The following UGT1A9 variants were observed in gnomAD, a reference collection of about 807,000 sequenced individuals.
UGT1A9 encodes the protein UDP-glucuronosyltransferase 1A9.
In UGT1A9, 35 loss-of-function variants were observed where a neutral mutation model predicts 45.0. That is an observed-to-expected ratio of 0.78 (90% CI 0.59 to 1.03). UGT1A9 has a LOEUF of 1.03. Among genes scored for constraint, UGT1A9 ranks in the 50% least tolerant of loss-of-function variants. UGT1A9 has a pLI of 0.00. For synonymous variants in UGT1A9, 278 were observed against 250.6 expected (o/e 1.11, Z -1.03); for missense variants, 687 against 666.6 (o/e 1.03, Z -0.34).
At chr2:233,728,228 C>T (rs1162428400) in intron 1 of UGT1A9, among the ~76,000 whole-genome samples, 1 of 152,188 alleles carries the variant, frequency 6.6e-6, no homozygotes. Flanking sequence ...CCATAATCTT[C>T]AGGATGAAAT....
At position 233,769,583 on chromosome 2, in the gene UGT1A9, G is replaced by A. The variant is rs749814257; in HGVS notation, c.1295+1144G>A. ...GTGAAGAGCTGGAGCATGTTCAGATGAGAGGAGACGGAACACGGGGACACA... is the reference window on the plus strand; with the variant it reads ...GTGAAGAGCTGGAGCATGTTCAGATAAGAGGAGACGGAACACGGGGACACA... On this transcript the variant is annotated intron_variant, in intron 4 of 4. Transcript: ENST00000354728. The surrounding 1 kb of genome is among the most constrained non-coding windows in gnomAD (Gnocchi z 4.4). 1.4e-5 allele frequency: 22 copies of A among 1,612,904 alleles called. No individual in the cohort carries two copies. The East Asian group carries it at 4.7e-4, about 34-fold the overall frequency.
rs367606596 is a variant in UGT1A9 at position 233,687,017 on chromosome 2, A to C, written c.855+14228A>C. Among the ~76,000 whole-genome samples, 81 of 152,288 alleles carry C rather than the reference A, an allele frequency of 5.3e-4. 1 individual carries two copies. In the East Asian group the frequency reaches 7.7e-3, roughly 15 times the overall value. Reference sequence around the variant, plus strand: ...GGTTTCAACACTAGAGGACTTTAGGAGGTGGTTCAATGTAGTGTTTGAGCA... The same window carrying C: ...GGTTTCAACACTAGAGGACTTTAGGCGGTGGTTCAATGTAGTGTTTGAGCA... On this transcript the variant is annotated intron_variant, in intron 1 of 4. Transcript: ENST00000354728.
intron 1 of UGT1A9, among the ~76,000 whole-genome samples, chr2:233,679,775 C>T (rs535392626): frequency 6.6e-6 from 1 of 152,094 alleles, no homozygotes; most frequent in African/African-American, 2.4e-5. Flanking sequence ...ATTAAATTCT[C>T]CAGTTTTAGA....
intron 4 of UGT1A9, among the ~76,000 whole-genome samples, chr2:233,768,962 ATAATT>A (rs753324015): frequency 2.0e-5 from 3 of 152,200 alleles, no homozygotes; most frequent in Non-Finnish European, 4.4e-5. Flanking sequence ...AATTTATCAT[ATAATT>A]TATTTAGAAT....
Position 233,768,423 on chromosome 2 carries a change from G to C in UGT1A9, c.1279G>C (p.Val427Leu). ...SEDLENALKAVINDKSYKENI... is the reference protein window; with the variant it reads ...SEDLENALKALINDKSYKENI... ...AGATTTAGAAAATGCTCTAAAAGCAGTCATCAATGACAAAAGGTAAGAAAG... is the reference window on the plus strand; with the variant it reads ...AGATTTAGAAAATGCTCTAAAAGCACTCATCAATGACAAAAGGTAAGAAAG... The change falls in exon 4 of 5, where the codon GTC becomes CTC. Residue 427 changes from valine to leucine, a missense_variant. By Grantham distance (32) the Val-to-Leu change is conservative. Coordinates refer to ENST00000354728, the MANE Select transcript of UGT1A9 (RefSeq NM_021027.3). 6.2e-7 allele frequency: 1 copy of C among 1,614,098 alleles called. No individual in the cohort carries two copies. Among genetic ancestry groups the C allele is most frequent in the South Asian group, 1.1e-5 (1 of 91,060 alleles).
At chr2:233,717,670 G>GC (rs2076597082) in intron 1 of UGT1A9, 1 of 419,050 alleles carries the variant, frequency 2.4e-6, no homozygotes, top group African/African-American at 2.0e-5. Context: ...CAGCAATCTT[G>GC]CGAGCACATG....
At chr2:233,762,782 TCTA>T (rs770561040) in intron 1 of UGT1A9, among the ~76,000 whole-genome samples, 8 of 152,166 alleles carry the variant, frequency 5.3e-5, no homozygotes, top group Non-Finnish European at 7.4e-5. Flanking sequence ...TAGCTGATTA[TCTA>T]CTCATTACTC....
At position 233,713,775 on chromosome 2, in the gene UGT1A9, G is replaced by A. The variant is rs2076345614; in HGVS notation, c.855+40986G>A. 1 of 1,614,026 alleles carries A rather than the reference G, an allele frequency of 6.2e-7. No homozygotes were observed. Among genetic ancestry groups the A allele is most frequent in the South Asian group, 1.1e-5 (1 of 91,070 alleles). On this transcript the variant is annotated intron_variant, in intron 1 of 4. Coordinates refer to ENST00000354728, the MANE Select transcript of UGT1A9 (RefSeq NM_021027.3). ...TGTGTGGCTGTTCCGAGGGGACTTT[G>A]TGATGGATTACCCCAGGCCGATCAT...
At chr2:233,726,450 A>G (rs538330915) in intron 1 of UGT1A9, among the ~76,000 whole-genome samples, 2 of 152,312 alleles carry the variant, frequency 1.3e-5, no homozygotes, top group South Asian at 4.1e-4. Context: ...TTTCCACTGA[A>G]TGTAAGCTCA....
chr2:233,694,576 A>G (rs953285020), intron 1 of UGT1A9, among the ~76,000 whole-genome samples: 9 of 152,212 alleles, frequency 5.9e-5, no homozygotes, highest in Admixed American at 3.9e-4. Flanking sequence ...ATTTCAATGT[A>G]AATATTTACA....
At chr2:233,703,966 C>T (rs910344544) in intron 1 of UGT1A9, among the ~76,000 whole-genome samples, 12 of 152,032 alleles carry the variant, frequency 7.9e-5, no homozygotes, top group African/African-American at 2.9e-4. Context: ...TCTTGGCCCA[C>T]TGCAACCTCC....
chr2:233,738,397 G>A (rs1161112118), intron 1 of UGT1A9, among the ~76,000 whole-genome samples: 2 of 152,236 alleles, frequency 1.3e-5, no homozygotes, highest in Non-Finnish European at 2.9e-5. Context: ...AAGTGACTTG[G>A]AACTGGGTAA....
intron 1 of UGT1A9, among the ~76,000 whole-genome samples, chr2:233,708,858 T>C (rs188966229): frequency 6.6e-6 from 1 of 152,170 alleles, no homozygotes; most frequent in East Asian, 1.9e-4. Flanking sequence ...TTTTTTAATC[T>C]CTTTTATTGG....
intron 1 of UGT1A9, chr2:233,756,058 T>C (rs1696106057): frequency 6.6e-6 from 1 of 152,218 alleles, no homozygotes; most frequent in Admixed American, 6.5e-5. Context: ...CACTGTACAC[T>C]TGTGGGAGAA....
intron 1 of UGT1A9, among the ~76,000 whole-genome samples, chr2:233,681,328 G>A (rs1334523162): frequency 1.3e-5 from 2 of 151,954 alleles, no homozygotes; most frequent in Non-Finnish European, 1.5e-5. Context: ...GAGCTCAGGA[G>A]TTCGAGACCA....
rs1033838664 is a variant in UGT1A9 at position 233,759,586 on chromosome 2, C to T, written c.856-7448C>T. On this transcript the variant is annotated intron_variant, in intron 1 of 4. Transcript: ENST00000354728. ...TCTGGTCATTCTCTACCCCAGCACG[C>T]CCCCCACCCCCGACCCGCCCCACCC... is the stretch of plus-strand genomic sequence containing the variant. 1.1e-4 allele frequency among the ~76,000 whole-genome samples: 16 copies of T among 147,554 alleles called. No homozygotes were observed. In the South Asian group the frequency reaches 2.0e-3, roughly 18 times the overall value.
intron 1 of UGT1A9, chr2:233,719,318 G>C (rs368511777): frequency 5.0e-6 from 8 of 1,613,836 alleles, no homozygotes; most frequent in African/African-American, 1.3e-5. Flanking sequence ...AGTACCTGTC[G>C]ATTCCTGCTG....
chr2:233,713,226 A>T, intron 1 of UGT1A9: 1 of 1,614,204 alleles, frequency 6.2e-7, no homozygotes, highest in South Asian at 1.1e-5. Flanking sequence ...CACCCTGACA[A>T]CGTATGCCAT....
At chr2:233,765,419 T>G (rs970448073) in intron 1 of UGT1A9, among the ~76,000 whole-genome samples, 3 of 152,166 alleles carry the variant, frequency 2.0e-5, no homozygotes, top group Non-Finnish European at 4.4e-5. Context: ...TGGAATACTA[T>G]GCAGCCATAA....
Sources: gnomAD v4.1 joint callset for allele counts (sites outside exome capture counted in the v4.1 genomes callset) on GRCh38, gnomAD v4.1.1 for gene constraint, Gnocchi (gnomAD v3.1) non-coding constraint, MANE v1.5 for transcripts, NCBI Gene and HGNC (gene_info 2026-07-23, HGNC 2026-07-21) for gene names.